The following KIAA0586 variants were observed in gnomAD, a reference collection of about 807,000 sequenced individuals.
The protein encoded by KIAA0586 is protein TALPID3.
Under a neutral mutation model 169.8 loss-of-function variants are expected in KIAA0586, and 144 were observed. That is an observed-to-expected ratio of 0.85 (90% confidence interval 0.74 to 0.97). The LOEUF (loss-of-function observed/expected upper bound fraction) is 0.97, where lower values mean the gene tolerates loss of function less well. KIAA0586 is among the 50% of genes least tolerant of loss of function. The pLI is 0.00. For missense variants in KIAA0586, 1,854 were observed against 1,823.0 expected (o/e 1.02, Z -0.31); for synonymous variants, 625 against 612.4 (o/e 1.02, Z -0.30).
At chr14:58,430,765 A>G (rs1566769549) in intron 3 of KIAA0586, 48 bp downstream of exon 3, 1 of 1,072,364 alleles carries the variant, frequency 9.3e-7, no homozygotes, top group Non-Finnish European at 1.4e-6. Flanking sequence ...CATATACATA[A>G]CATAAAGTTT....
Position 58,472,217 on chromosome 14 carries a change from G to T in KIAA0586, c.2572G>T (p.Val858Leu), listed in dbSNP as rs1353486146. Residue 858 changes from valine (V) to leucine (L), a missense_variant, in exon 18 of 31, where the codon GTA becomes TTA. Transcript: ENST00000652326. ...TWIKTPEIMKVDEEEVKFPGT... is the reference protein window; with the variant it reads ...TWIKTPEIMKLDEEEVKFPGT... ...TTCTTAGACTCCAGAAATTATGAAGGTAGATGAAGAAGAGGTGAAGTTTCC... is the reference window on the plus strand; with the variant it reads ...TTCTTAGACTCCAGAAATTATGAAGTTAGATGAAGAAGAGGTGAAGTTTCC... 3.8e-6 allele frequency: 6 copies of T among 1,581,204 alleles called. No homozygotes were observed. The highest frequency in any genetic ancestry group is 4.3e-6 in the Non-Finnish European group (5 of 1,163,652).
Position 58,467,879 on chromosome 14 carries a change from A to G in KIAA0586, c.2399A>G (p.Glu800Gly). The part of the protein sequence containing the change: ...GVKKPNIAIV[E>G]MKSEKKDPPQ... ...AAGAAACCTAACATAGCCATTGTAG[A>G]AATGAAGTCAGAAAAAAAGGATCCT... The change falls in exon 16 of 31, where the codon GAA (glutamate) becomes GGA (glycine). Residue 800 changes from glutamate (E) to glycine (G), a missense_variant. Physicochemically the swap from Glu to Gly is moderately conservative, Grantham distance 98. Coordinates refer to ENST00000652326, the MANE Select transcript of KIAA0586 (RefSeq NM_001329943.3). 1 of 1,613,776 alleles carries G rather than the reference A, an allele frequency of 6.2e-7. No individual in the cohort carries two copies. The highest frequency in any genetic ancestry group is 8.5e-7 in the Non-Finnish European group (1 of 1,179,772).
At chr14:58,432,562 G>C in intron 4 of KIAA0586, 105 bp downstream of exon 4, 4 of 621,398 alleles carry the variant, frequency 6.4e-6, no homozygotes, top group Non-Finnish European at 8.5e-6. Flanking sequence ...AATATATATT[G>C]TGTGATATGT....
intron 27 of KIAA0586, among the ~76,000 whole-genome samples, chr14:58,501,572 T>C (rs1462529056): frequency 2.0e-5 from 3 of 150,852 alleles, no homozygotes; most frequent in African/African-American, 7.3e-5. Flanking sequence ...AGATTACCTA[T>C]AGTACAGTGC....
intron 17 of KIAA0586, among the ~76,000 whole-genome samples, chr14:58,471,481 C>T (rs949846952): frequency 3.3e-5 from 5 of 152,162 alleles, no homozygotes; most frequent in African/African-American, 1.2e-4. Context: ...TACTACACAG[C>T]AAAATAGCAC....
Position 58,498,766 on chromosome 14 carries a change from G to T in KIAA0586, c.3991-17G>T. The stretch of plus-strand genomic sequence containing the variant: ...TTTTAATATAATGGTTTTAACAATT[G>T]TTTCTGCTTTTTAAAGGACTTGGAA... On this transcript the variant is annotated splice_polypyrimidine_tract_variant and intron_variant, in intron 26 of 30. Transcript: ENST00000652326. The T allele has an allele frequency of 6.3e-7, 1 of 1,579,462 alleles. No homozygotes were observed. The highest frequency in any genetic ancestry group is 8.6e-7 in the Non-Finnish European group (1 of 1,165,766).
At chr14:58,524,972 TA>T (rs1370910293) in intron 29 of KIAA0586, among the ~76,000 whole-genome samples, 3 of 152,154 alleles carry the variant, frequency 2.0e-5, no homozygotes, top group African/African-American at 7.2e-5. Context: ...CCCAAAGTGC[TA>T]GGATAACAGG....
In KIAA0586 at chr14:58,432,378, G is replaced by T; in HGVS notation, c.341-10G>T. 1.3e-6 allele frequency: 2 copies of T among 1,502,142 alleles called. No homozygotes were observed. The highest frequency in any genetic ancestry group is 2.4e-5 in the East Asian group (1 of 41,552). 93.1% of individuals were successfully genotyped at this position (1,502,142 alleles called of 1,614,324 possible). A position where few individuals can be genotyped will look rare whatever the true frequency, so the allele number is the denominator to read the frequency against. ...AATTTAATATATATTTTTGTGTCTT[G>T]ATTTTGCAGCAAATGACATCTTCAT... On this transcript the variant is annotated splice_polypyrimidine_tract_variant and intron_variant, in intron 3 of 30. Coordinates refer to ENST00000652326, the MANE Select transcript of KIAA0586 (RefSeq NM_001329943.3).
chr14:58,436,154 G>GA (rs1481218212), intron 4 of KIAA0586, among the ~76,000 whole-genome samples: 1 of 152,070 alleles, frequency 6.6e-6, no homozygotes, highest in Non-Finnish European at 1.5e-5. Context: ...AGTTAGATAA[G>GA]AAAATGAAAT....
intron 27 of KIAA0586, among the ~76,000 whole-genome samples, chr14:58,507,340 A>C (rs1465568045): frequency 6.8e-6 from 1 of 146,234 alleles, no homozygotes; most frequent in Admixed American, 6.9e-5. Flanking sequence ...ATATATAAAT[A>C]TATAATATCA....
Position 58,429,423 on chromosome 14 carries a change from T to TG in KIAA0586, c.261dup (p.Ser88ValfsTer4). On this transcript the variant is annotated frameshift_variant, in exon 2 of 31. Coordinates refer to ENST00000652326, the MANE Select transcript of KIAA0586 (RefSeq NM_001329943.3). LOFTEE classifies it high-confidence loss of function. Reference sequence around the variant, plus strand: ...CAGCCTCTATTAGAAAATCCCATGGTGTCAGAAAGTGTAAGCAAAAGGATT... The same window carrying TG: ...CAGCCTCTATTAGAAAATCCCATGGTGGTCAGAAAGTGTAAGCAAAAGGATT... 6.3e-7 allele frequency: 1 copy of TG among 1,578,782 alleles called. No individual in the cohort carries two copies. The highest frequency in any genetic ancestry group is 1.1e-5 in the South Asian group (1 of 90,272).
chr14:58,504,915 C>CT (rs931012628), intron 27 of KIAA0586, among the ~76,000 whole-genome samples: 1 of 152,108 alleles, frequency 6.6e-6, no homozygotes, highest in Non-Finnish European at 1.5e-5. Context: ...AGGGTACGGA[C>CT]TTTATCTTGT....
At chr14:58,555,095 C>CTTTTTT (rs375867068), downstream of KIAA0586, among the ~76,000 whole-genome samples, 2 of 113,478 alleles carry the variant, frequency 1.8e-5, no homozygotes, top group South Asian at 3.1e-4. Context: ...CTTTTTCTTT[C>CTTTTTT]TTTCTTTTTT....
chr14:58,438,646 C>T (rs1566783237), intron 4 of KIAA0586, among the ~76,000 whole-genome samples: 1 of 152,124 alleles, frequency 6.6e-6, no homozygotes, highest in African/African-American at 2.4e-5. Context: ...GGCTAAGTAG[C>T]AAGCCTCCGT....
At chr14:58,541,142 A>C (rs1347318334) in intron 30 of KIAA0586, among the ~76,000 whole-genome samples, 1 of 152,256 alleles carries the variant, frequency 6.6e-6, no homozygotes, top group Non-Finnish European at 1.5e-5. Context: ...GTCAGTGTGA[A>C]TCTAAGCAAG....
At chr14:58,519,324 C>T (rs1313251273) in intron 29 of KIAA0586, among the ~76,000 whole-genome samples, 2 of 152,300 alleles carry the variant, frequency 1.3e-5, no homozygotes, top group East Asian at 3.9e-4. Context: ...ATTGCATCCT[C>T]AACCTCCTGG....
intron 26 of KIAA0586, among the ~76,000 whole-genome samples, chr14:58,497,339 A>C (rs981897042): frequency 1.8e-4 from 27 of 151,810 alleles, no homozygotes; most frequent in African/African-American, 6.3e-4. Context: ...AATATGACTA[A>C]AGTATTCTTC....
rs1403254211 is a variant in KIAA0586 at position 58,429,410 on chromosome 14, G to C, written c.247G>C (p.Glu83Gln). The C allele has an allele frequency of 9.4e-6, 15 of 1,597,164 alleles. No homozygotes were observed. The highest frequency in any genetic ancestry group is 1.3e-5 in the Non-Finnish European group (15 of 1,165,010). The change falls in exon 2 of 31, where the codon GAA becomes CAA. Residue 83 changes from glutamate (E) to glutamine (Q), a missense_variant. Glu to Gln is a conservative substitution (Grantham distance 29). Coordinates refer to ENST00000652326, the MANE Select transcript of KIAA0586 (RefSeq NM_001329943.3). ...TAGAAATTGTTACCAGCCTCTATTA[G>C]AAAATCCCATGGTGTCAGAAAGTGT... ...SARNCYQPLL[E>Q]NPMVSESDFS...
rs749522405 is a variant in KIAA0586, at chr14:58,428,253, G to A, written c.-12G>A. 9.3e-6 allele frequency: 15 copies of A among 1,611,486 alleles called. No individual in the cohort carries two copies. ...CGTCCTTAAGTGTGGGACTTGTTTT[G>A]TGACCAACAATATGAAAGGCTCTGA... On this transcript the variant is annotated 5_prime_UTR_variant, in exon 1 of 31. In the 5' UTR this introduces an upstream ATG that the reference lacks. Transcript: ENST00000652326.
Sources: allele counts gnomAD v4.1 joint callset (sites outside exome capture counted in the v4.1 genomes callset), GRCh38; gene constraint gnomAD v4.1.1; transcripts MANE v1.5; gene names NCBI Gene and HGNC (gene_info 2026-07-23, HGNC 2026-07-21).